The following FAM83F variants were observed in gnomAD, a reference collection of about 807,000 sequenced individuals.
The protein encoded by FAM83F is scaffolding CK1 anchoring protein F, also known as protein FAM83F.
In FAM83F, 45 loss-of-function variants were observed where a neutral mutation model predicts 42.9. The ratio of observed to expected loss-of-function variants is 1.05; its 90% CI spans 0.83 to 1.35. The LOEUF (loss-of-function observed/expected upper bound fraction) is 1.35, where lower values mean the gene tolerates loss of function less well. FAM83F is among the 40% of genes most tolerant of loss of function. The pLI is 0.00. For synonymous variants in FAM83F, 306 were observed against 298.3 expected (o/e 1.03, Z -0.27); for missense variants, 617 against 695.9 (o/e 0.89, Z 1.28).
intron 1 of FAM83F, among the ~76,000 whole-genome samples, chr22:40,011,951 C>T (rs758122051): frequency 1.3e-5 from 2 of 152,184 alleles, no homozygotes; most frequent in African/African-American, 2.4e-5. Context: ...GCCTGTTGCT[C>T]TACAGAATAG....
rs1399864413 is a variant in FAM83F, at chr22:40,021,079, C to CA, written c.780-210dup. Among the ~76,000 whole-genome samples, 2 of 152,232 alleles carry CA rather than the reference C, an allele frequency of 1.3e-5. No homozygotes were observed. The highest frequency in any genetic ancestry group is 2.9e-5 in the Non-Finnish European group (2 of 68,040). ...CCTGACTTCCCATGCTCTTTCCCTGCACCCACTGCCTGCTTGCTTCATTTG... is the reference window on the plus strand; with the variant it reads ...CCTGACTTCCCATGCTCTTTCCCTGCAACCCACTGCCTGCTTGCTTCATTTG... On this transcript the variant is annotated intron_variant, in intron 3 of 4. Coordinates refer to ENST00000333407, the MANE Select transcript of FAM83F (RefSeq NM_138435.4). The surrounding 1 kb of genome is among the most constrained non-coding windows in gnomAD (Gnocchi z 8.7).
chr22:40,021,628 G>A lies in FAM83F; in HGVS notation c.1118G>A (p.Ser373Asn), dbSNP rs761699833. 3.8e-6 allele frequency: 6 copies of A among 1,591,096 alleles called. No individual in the cohort carries two copies. The highest frequency in any genetic ancestry group is 5.2e-6 in the Non-Finnish European group (6 of 1,163,258). ...SGGESAWRLE[S>N]FLKDLVTVEQ... ...GGCGAGTCGGCCTGGCGCCTGGAGA[G>A]CTTCCTGAAAGACCTGGTTACGGTG... The change falls in exon 4 of 5, where the codon AGC becomes AAC. Residue 373 changes from serine to asparagine, a missense_variant. Coordinates refer to ENST00000333407, the MANE Select transcript of FAM83F (RefSeq NM_138435.4). This position sits in a 1 kb window ranked among gnomAD's most constrained non-coding sequence, Gnocchi z 8.7.
intron 1 of FAM83F, among the ~76,000 whole-genome samples, chr22:40,010,665 G>A (rs2067458005): frequency 6.6e-6 from 1 of 152,188 alleles, no homozygotes; most frequent in African/African-American, 2.4e-5. Context: ...TCTGCAAACC[G>A]GTCAAGCTGT....
At chr22:40,008,971 G>A (rs1190112793) in intron 1 of FAM83F, among the ~76,000 whole-genome samples, 9 of 152,222 alleles carry the variant, frequency 5.9e-5, no homozygotes, top group African/African-American at 2.2e-4. Flanking sequence ...CTGGGAGACA[G>A]CAGTTTGACC....
intron 1 of FAM83F, among the ~76,000 whole-genome samples, chr22:40,013,282 C>T (rs533191877): frequency 2.0e-5 from 3 of 152,226 alleles, no homozygotes; most frequent in African/African-American, 7.2e-5. Context: ...TTTTCCTTTA[C>T]ATGTGGTGTG....
chr22:40,024,063 G>A (rs541897560), intron 4 of FAM83F, among the ~76,000 whole-genome samples: 36 of 152,082 alleles, frequency 2.4e-4, no homozygotes, highest in Non-Finnish European at 4.0e-4. Context: ...GCAGTGGTGC[G>A]ACCACAGCTC....
Position 40,032,855 on chromosome 22 carries a change from A to G in FAM83F, c.*3290A>G, listed in dbSNP as rs1252124133. ...AAGTGCTGGGATTACAGGCCACCGT[A>G]CCCGGCCAGGCTATTTTTTTGTTTT... On this transcript the variant is annotated 3_prime_UTR_variant, in exon 5 of 5. Coordinates refer to ENST00000333407, the MANE Select transcript of FAM83F (RefSeq NM_138435.4). The G allele has an allele frequency of 1.3e-5, 2 of 151,906 alleles. No homozygotes were observed. Among genetic ancestry groups the G allele is most frequent in the South Asian group, 2.1e-4 (1 of 4,802 alleles). The allele number at this position is 151,906 out of a possible 1,614,324, so 9.4% of individuals were successfully genotyped here.
rs1440782560 is a variant in FAM83F, at chr22:40,034,897, C to T, written c.*5332C>T. Reference sequence around the variant, plus strand: ...ATCCTTTCCTCTAGGAAGGCTTCTCCTTTCTTCATCTGTCCTAAGTGCATG... The same window carrying T: ...ATCCTTTCCTCTAGGAAGGCTTCTCTTTTCTTCATCTGTCCTAAGTGCATG... On this transcript the variant is annotated 3_prime_UTR_variant, in exon 5 of 5. Coordinates refer to ENST00000333407, the MANE Select transcript of FAM83F (RefSeq NM_138435.4). The T allele has an allele frequency of 6.6e-6, 1 of 152,182 alleles. No homozygotes were observed. Among genetic ancestry groups the T allele is most frequent in the African/African-American group, 2.4e-5 (1 of 41,426 alleles). 9.4% of individuals were successfully genotyped at this position (152,182 alleles called of 1,614,324 possible). A position where few individuals can be genotyped will look rare whatever the true frequency, so the allele number is the denominator to read the frequency against.
intron 4 of FAM83F, 149 bp downstream of exon 4, chr22:40,022,112 G>A (rs1569235264): frequency 2.7e-6 from 2 of 746,654 alleles, no homozygotes; most frequent in Admixed American, 3.2e-5. Context: ...GGGTTCCGGG[G>A]TCCTTGGTTC....
Position 40,031,368 on chromosome 22 carries a change from G to A in FAM83F, c.*1803G>A, listed in dbSNP as rs1334300484. On this transcript the variant is annotated 3_prime_UTR_variant, in exon 5 of 5. Coordinates refer to ENST00000333407, the MANE Select transcript of FAM83F (RefSeq NM_138435.4). ...AAAGAGATCACTCTCTGGTGTGGAG[G>A]GTGGGTGTCTCTGGGGATTAGGGAG... 1 of 152,208 alleles carries A rather than the reference G, an allele frequency of 6.6e-6. No homozygotes were observed. Among genetic ancestry groups the A allele is most frequent in the African/African-American group, 2.4e-5 (1 of 41,408 alleles). The allele number at this position is 152,208 out of a possible 1,614,324, so 9.4% of individuals were successfully genotyped here.
intron 4 of FAM83F, among the ~76,000 whole-genome samples, chr22:40,027,173 C>A (rs1041317784): frequency 1.3e-5 from 2 of 152,098 alleles, no homozygotes; most frequent in Non-Finnish European, 2.9e-5. Context: ...CCTCTCTAAC[C>A]AAGGAGCCTC....
intron 1 of FAM83F, among the ~76,000 whole-genome samples, chr22:39,998,591 C>T (rs2067382322): frequency 6.6e-6 from 1 of 152,024 alleles, no homozygotes; most frequent in Non-Finnish European, 1.5e-5. Context: ...GGTAGGAGGG[C>T]CTTTGAGGAG....
chr22:40,016,388 A>G (rs1055686494), intron 1 of FAM83F, among the ~76,000 whole-genome samples: 1 of 151,786 alleles, frequency 6.6e-6, no homozygotes, highest in Non-Finnish European at 1.5e-5. Flanking sequence ...TTGTAGAGAT[A>G]GGGTTTTGCC....
At chr22:40,017,225 CTTTTTTTTTTTT>C (rs59308005) in intron 1 of FAM83F, among the ~76,000 whole-genome samples, 6 of 115,586 alleles carry the variant, frequency 5.2e-5, no homozygotes, top group Admixed American at 2.6e-4. Context: ...TCAGCACTTT[CTTTTTTTTTTTT>C]TTTTTTTTGA....
intron 1 of FAM83F, among the ~76,000 whole-genome samples, chr22:40,002,922 C>A (rs187908450): frequency 5.2e-4 from 79 of 152,244 alleles, no homozygotes; most frequent in African/African-American, 1.9e-3. Context: ...TTCCCTGAGG[C>A]TCCGGGAAAG....
Position 40,035,108 on chromosome 22 carries a change from C to T in FAM83F, c.*5543C>T, listed in dbSNP as rs745797113. The T allele has an allele frequency of 6.6e-5, 10 of 152,160 alleles. No homozygotes were observed. The highest frequency in any genetic ancestry group is 1.0e-4 in the Non-Finnish European group (7 of 68,024). The allele number at this position is 152,160 out of a possible 1,614,324, so 9.4% of individuals were successfully genotyped here. ...AGGGCTAGAATCTGGTTATCTGGAC[C>T]GTCCTAGAGCACTTTCACAGTGACA... On this transcript the variant is annotated 3_prime_UTR_variant, in exon 5 of 5. Transcript: ENST00000333407.
chr22:40,015,213 C>T (rs2067487084), intron 1 of FAM83F, among the ~76,000 whole-genome samples: 1 of 152,192 alleles, frequency 6.6e-6, no homozygotes, highest in African/African-American at 2.4e-5. Flanking sequence ...CTGGGAAGAG[C>T]CGCAGTTTGA....
At chr22:40,000,598 A>G (rs952957918) in intron 1 of FAM83F, among the ~76,000 whole-genome samples, 1 of 144,298 alleles carries the variant, frequency 6.9e-6, no homozygotes, top group African/African-American at 2.7e-5. Context: ...GCTGCAATGA[A>G]GCAGATGCCC....
chr22:40,001,503 G>A (rs746972924), intron 1 of FAM83F, among the ~76,000 whole-genome samples: 1 of 152,124 alleles, frequency 6.6e-6, no homozygotes, highest in Non-Finnish European at 1.5e-5. Flanking sequence ...GCCAGATGTG[G>A]TGGTGTCTAC....
Sources: allele counts gnomAD v4.1 joint callset (sites outside exome capture counted in the v4.1 genomes callset), GRCh38; gene constraint gnomAD v4.1.1; non-coding constraint Gnocchi (gnomAD v3.1); transcripts MANE v1.5; gene names NCBI Gene and HGNC (gene_info 2026-07-23, HGNC 2026-07-21).